The following USP25 variants were observed in gnomAD, a reference collection of about 807,000 sequenced individuals.
The protein encoded by USP25 is ubiquitin carboxyl-terminal hydrolase 25.
A neutral mutation model predicts 158.5 loss-of-function variants in USP25; 85 were observed. That is an observed-to-expected ratio of 0.54 (90% CI 0.45 to 0.64). The LOEUF is 0.64. Ranked by LOEUF, USP25 falls within the 30% of genes least tolerant of loss-of-function variation. The probability of loss-of-function intolerance (pLI) is 0.00; values close to 1 mark genes in which losing one functional copy is unlikely to be tolerated. For missense variants in USP25, 1,242 were observed against 1,327.3 expected (o/e 0.94, Z 1.00); for synonymous variants, 464 against 460.4 (o/e 1.01, Z -0.10).
rs2297248 is a variant in USP25 at position 15,831,466 on chromosome 21, A to T, written c.1830A>T (p.Ala610=). 0.07 allele frequency: 112,481 copies of T among 1,613,874 alleles called. 8,027 individuals carry two copies. Among genetic ancestry groups the T allele is most frequent in the African/African-American group, 0.36 (26,723 of 74,942 alleles). The change falls in exon 16 of 26, where the codon GCA becomes GCT. Residue 610 remains alanine, a synonymous_variant. Coordinates refer to ENST00000400183, the MANE Select transcript of USP25 (RefSeq NM_001283041.3). ...AAGCTAATGCTGGGCACTACTGGGC[A>T]TATATTTTTGATCATCGTGAAAGCA... The part of the protein sequence containing the change: ...EGQANAGHYW[A]YIFDHRESRW...
At position 15,779,352 on chromosome 21, in the gene USP25, T is replaced by G. The variant is rs1033402636; in HGVS notation, c.392+1325T>G. On this transcript the variant is annotated intron_variant, in intron 4 of 25. Transcript: ENST00000400183. ...AACAATACTTAAACTTTGAGAAATA[T>G]TTTAAATACAAAACACATGAGTTGG... Among the ~76,000 whole-genome samples the G allele has an allele frequency of 3.9e-5, 6 of 152,012 alleles. No individual in the cohort carries two copies. In the South Asian group the frequency reaches 6.2e-4, roughly 16 times the overall value.
At chr21:15,806,201 A>T (rs1304737618) in intron 7 of USP25, among the ~76,000 whole-genome samples, 2 of 152,204 alleles carry the variant, frequency 1.3e-5, no homozygotes, top group Admixed American at 1.3e-4. Context: ...CACTAACACA[A>T]ATCAAAAGAA....
intron 1 of USP25, among the ~76,000 whole-genome samples, chr21:15,751,483 T>C (rs1277013362): frequency 2.6e-5 from 4 of 152,220 alleles, no homozygotes; most frequent in African/African-American, 9.6e-5. Flanking sequence ...ATTTTTGGAT[T>C]ATAAGCTAAT....
intron 19 of USP25, among the ~76,000 whole-genome samples, chr21:15,848,859 A>G (rs542524320): frequency 1.2e-4 from 19 of 152,324 alleles, no homozygotes; most frequent in African/African-American, 4.6e-4. Flanking sequence ...AATGAGTAAT[A>G]GGTTCAGTGA....
intron 17 of USP25, among the ~76,000 whole-genome samples, chr21:15,836,835 G>A (rs1161448987): frequency 2.9e-5 from 4 of 137,790 alleles, no homozygotes; most frequent in African/African-American, 5.5e-5. Context: ...TTTGCTGTCA[G>A]TGTGTGGATC....
intron 5 of USP25, among the ~76,000 whole-genome samples, chr21:15,798,902 C>G (rs2035993821): frequency 6.6e-6 from 1 of 151,086 alleles, no homozygotes; most frequent in African/African-American, 2.4e-5. Context: ...GCTGACTCAC[C>G]TTTTCTAAGA....
chr21:15,747,788 C>T (rs537179811), intron 1 of USP25, among the ~76,000 whole-genome samples: 1 of 152,214 alleles, frequency 6.6e-6, no homozygotes, highest in South Asian at 2.1e-4. Flanking sequence ...TTTAAAACAT[C>T]GTTTCTGGAA....
At chr21:15,849,903 T>G (rs1486209572) in intron 20 of USP25, 31 bp downstream of exon 20, 1 of 1,422,158 alleles carries the variant, frequency 7.0e-7, no homozygotes. Flanking sequence ...TTCGTGTCTT[T>G]TCTTTTTCAA....
intron 8 of USP25, among the ~76,000 whole-genome samples, chr21:15,810,165 A>G (rs2036587567): frequency 6.6e-6 from 1 of 152,166 alleles, no homozygotes; most frequent in Non-Finnish European, 1.5e-5. Flanking sequence ...AGGACAGTGT[A>G]TCTTACCATG....
chr21:15,869,876 T>C (rs2039812855), intron 22 of USP25, among the ~76,000 whole-genome samples, 192 bp from the exon 23 acceptor site: 1 of 152,236 alleles, frequency 6.6e-6, no homozygotes, highest in African/African-American at 2.4e-5. Flanking sequence ...TTTTTAGATT[T>C]AATGTTGTAT....
In USP25 at chr21:15,730,053, AC is replaced by A. The variant is rs1287278618; in HGVS notation, c.-340del. Reference sequence around the variant, plus strand: ...CAGCCCGCGGACCGGCAGCAAAGGAACGTGCGAACGCGTGACGCCGCCCGAC... The same window carrying A: ...CAGCCCGCGGACCGGCAGCAAAGGAAGTGCGAACGCGTGACGCCGCCCGAC... On this transcript the variant is annotated 5_prime_UTR_variant, in exon 1 of 26. Transcript: ENST00000400183. 1 of 151,468 alleles carries A rather than the reference AC, an allele frequency of 6.6e-6. No individual in the cohort carries two copies. Among genetic ancestry groups the A allele is most frequent in the African/African-American group, 2.4e-5 (1 of 41,296 alleles). 9.4% of individuals were successfully genotyped at this position (151,468 alleles called of 1,614,324 possible). A position where few individuals can be genotyped will look rare whatever the true frequency, so the allele number is the denominator to read the frequency against.
At chr21:15,759,254 A>G (rs1442177571) in intron 1 of USP25, among the ~76,000 whole-genome samples, 1 of 152,170 alleles carries the variant, frequency 6.6e-6, no homozygotes, top group Non-Finnish European at 1.5e-5. Flanking sequence ...TCATGATTCC[A>G]TTGCTATTTA....
At chr21:15,765,196 A>G (rs1352142686) in intron 2 of USP25, among the ~76,000 whole-genome samples, 4 of 152,088 alleles carry the variant, frequency 2.6e-5, no homozygotes, top group African/African-American at 9.7e-5. Flanking sequence ...TTCGTTGTGA[A>G]TATCTGGGTT....
intron 1 of USP25, among the ~76,000 whole-genome samples, chr21:15,754,123 G>A (rs1040292861): frequency 4.6e-5 from 7 of 152,024 alleles, no homozygotes; most frequent in African/African-American, 1.5e-4. Context: ...TCTTGTGTCC[G>A]CAGTTTCTCA....
At chr21:15,873,788 C>T (rs1272532197) in intron 23 of USP25, among the ~76,000 whole-genome samples, 1 of 152,160 alleles carries the variant, frequency 6.6e-6, no homozygotes, top group Non-Finnish European at 1.5e-5. Flanking sequence ...CCGCCGCACC[C>T]GGCCTCTATC....
chr21:15,782,405 A>G (rs1029155478), intron 4 of USP25, among the ~76,000 whole-genome samples: 7 of 152,282 alleles, frequency 4.6e-5, no homozygotes, highest in African/African-American at 1.7e-4. Context: ...TCAACCCTAC[A>G]TCACCAGAGT....
intron 20 of USP25, among the ~76,000 whole-genome samples, chr21:15,854,438 C>A (rs1484526689): frequency 1.3e-5 from 2 of 152,066 alleles, no homozygotes; most frequent in East Asian, 3.9e-4. Flanking sequence ...GCCACCACGC[C>A]CGGCCGTGTT....
At chr21:15,864,491 T>C (rs770470702) in intron 21 of USP25, 45 bp downstream of exon 21, 4 of 1,506,184 alleles carry the variant, frequency 2.7e-6, no homozygotes, top group South Asian at 2.5e-5. Flanking sequence ...CGTTCTTTTT[T>C]TTTTTCCTGC....
intron 1 of USP25, among the ~76,000 whole-genome samples, chr21:15,739,650 A>T (rs1040668028): frequency 2.0e-5 from 3 of 152,154 alleles, no homozygotes; most frequent in African/African-American, 4.8e-5. Flanking sequence ...TTCCCCTGAC[A>T]CTGGCATAAT....
Sources: gnomAD v4.1 joint callset for allele counts (sites outside exome capture counted in the v4.1 genomes callset) on GRCh38, gnomAD v4.1.1 for gene constraint, MANE v1.5 for transcripts, NCBI Gene and HGNC (gene_info 2026-07-23, HGNC 2026-07-21) for gene names.